RB1CC1: variants seen among roughly 807,000 people sequenced by gnomAD.
RB1CC1 encodes RB1 inducible coiled-coil 1.
In RB1CC1, 46 loss-of-function variants were observed where a neutral mutation model predicts 177.5. The observed-to-expected ratio is 0.26, with a 90% CI of 0.20 to 0.33. The LOEUF is 0.33. Among genes scored for constraint, RB1CC1 ranks in the 10% least tolerant of loss-of-function variants. The pLI is 1.00. For synonymous variants in RB1CC1, 666 were observed against 613.6 expected (o/e 1.09, Z -1.26); for missense variants, 1,703 against 1,816.3 (o/e 0.94, Z 1.13).
chr8:52,710,967 T>A (rs1857015736), intron 1 of RB1CC1, among the ~76,000 whole-genome samples: 1 of 152,010 alleles, frequency 6.6e-6, no homozygotes. Flanking sequence ...GTGTGGAATG[T>A]GAAGGAAAAA....
At chr8:52,660,125 A>G (rs1851479141) in intron 12 of RB1CC1, among the ~76,000 whole-genome samples, 2 of 152,252 alleles carry the variant, frequency 1.3e-5, no homozygotes, top group African/African-American at 4.8e-5. Flanking sequence ...GTTTAGAAAC[A>G]TATCAAACTA....
chr8:52,640,662 G>A (rs1044006619), intron 18 of RB1CC1, among the ~76,000 whole-genome samples: 7 of 152,090 alleles, frequency 4.6e-5, no homozygotes, highest in African/African-American at 7.2e-5. Context: ...TTTTTTTAAA[G>A]AGGTTTTCAT....
At chr8:52,677,035 C>A (rs529995026) in intron 5 of RB1CC1, among the ~76,000 whole-genome samples, 1 of 152,092 alleles carries the variant, frequency 6.6e-6, no homozygotes, top group Non-Finnish European at 1.5e-5. Flanking sequence ...AGTGAAAATA[C>A]CTTCAGAAAA....
intron 1 of RB1CC1, among the ~76,000 whole-genome samples, chr8:52,694,409 G>A (rs1212398351): frequency 2.0e-5 from 3 of 152,138 alleles, no homozygotes; most frequent in South Asian, 2.1e-4. Context: ...GTCTCGAACT[G>A]ATGCCAACTG....
At position 52,674,091 on chromosome 8, in the gene RB1CC1, T is replaced by A; in HGVS notation, c.756A>T (p.Glu252Asp). Reference sequence around the variant, plus strand: ...ACTTGGGAAATGAGGTTAACAAAGATTCGTTAGTTGTTCTAGGCATATCAG... The same window carrying A: ...ACTTGGGAAATGAGGTTAACAAAGAATCGTTAGTTGTTCTAGGCATATCAG... ...LSPDMPRTTNESLLTSFPKSV... is the reference protein window; with the variant it reads ...LSPDMPRTTNDSLLTSFPKSV... The change falls in exon 7 of 24, where the codon GAA becomes GAT. Residue 252 changes from glutamate (E) to aspartate (D), a missense_variant. By Grantham distance (45) the Glu-to-Asp change is conservative. This residue lies in a region of RB1CC1 where 315 missense variants were observed against 304.9 expected (regional missense o/e 1.03). Coordinates refer to ENST00000025008, the MANE Select transcript of RB1CC1 (RefSeq NM_014781.5). 2.5e-6 allele frequency: 4 copies of A among 1,614,112 alleles called. No homozygotes were observed. The highest frequency in any genetic ancestry group is 3.4e-6 in the Non-Finnish European group (4 of 1,180,004).
intron 15 of RB1CC1, among the ~76,000 whole-genome samples, chr8:52,650,292 C>T (rs1850455241): frequency 6.6e-6 from 1 of 152,152 alleles, no homozygotes; most frequent in African/African-American, 2.4e-5. Flanking sequence ...ATGCAAGATA[C>T]CCACACCTGA....
chr8:52,682,441 T>C (rs888297542), intron 5 of RB1CC1, among the ~76,000 whole-genome samples: 10 of 152,174 alleles, frequency 6.6e-5, no homozygotes, highest in Admixed American at 5.2e-4. Flanking sequence ...GAATCTCAGA[T>C]TACTATTTAT....
chr8:52,637,042 G>T (rs2150395115), intron 18 of RB1CC1, among the ~76,000 whole-genome samples: 1 of 152,190 alleles, frequency 6.6e-6, no homozygotes, highest in East Asian at 1.9e-4. Flanking sequence ...TTTCAAGATT[G>T]CTTTGGCTAT....
rs1848141802 is a variant in RB1CC1, at chr8:52,622,743, T to G, written c.*1039A>C. 6.6e-6 allele frequency: 1 copy of G among 152,024 alleles called. No homozygotes were observed. Among genetic ancestry groups the G allele is most frequent in the South Asian group, 2.1e-4 (1 of 4,832 alleles). The allele number at this position is 152,024 out of a possible 1,614,324, so 9.4% of individuals were successfully genotyped here. A position where few individuals can be genotyped will look rare whatever the true frequency, so the allele number is the denominator to read the frequency against. ...ACAATTCTATTCTACATAACACTGT[T>G]TACCCTGTTACATAGTATATAGTTA... On this transcript the variant is annotated 3_prime_UTR_variant, in exon 24 of 24. Transcript: ENST00000025008.
At chr8:52,626,426 T>G (rs1277982542) in intron 22 of RB1CC1, among the ~76,000 whole-genome samples, 1 of 152,108 alleles carries the variant, frequency 6.6e-6, no homozygotes, top group Admixed American at 6.5e-5. Context: ...AAGATGTAAC[T>G]TATCATCATA....
Position 52,656,549 on chromosome 8 carries a change from CAAG to C in RB1CC1, c.3277_3279del (p.Leu1093del), listed in dbSNP as rs750240280. The C allele has an allele frequency of 9.9e-6, 16 of 1,611,038 alleles. No individual in the cohort carries two copies. Among genetic ancestry groups the C allele is most frequent in the Middle Eastern group, 1.7e-4 (1 of 6,056 alleles). ...GTTCTCAAATTTTCTGTCTCTTGTT[CAAG>C]AAGAGATTTCAAGGTCTCCTTCTGC... On this transcript the variant is annotated inframe_deletion, in exon 15 of 24. Transcript: ENST00000025008.
At chr8:52,710,671 T>C (rs950374677) in intron 1 of RB1CC1, among the ~76,000 whole-genome samples, 3 of 152,112 alleles carry the variant, frequency 2.0e-5, no homozygotes, top group South Asian at 2.1e-4. Flanking sequence ...TCTAGTTGTG[T>C]TTTATTTTAT....
At chr8:52,625,514 C>CA (rs1392081993) in intron 22 of RB1CC1, among the ~76,000 whole-genome samples, 1 of 152,098 alleles carries the variant, frequency 6.6e-6, no homozygotes, top group Admixed American at 6.6e-5. Context: ...AGTATTCAGG[C>CA]AATAAACTAC....
At chr8:52,705,631 T>A (rs1212778382) in intron 1 of RB1CC1, among the ~76,000 whole-genome samples, 1 of 152,204 alleles carries the variant, frequency 6.6e-6, no homozygotes, top group East Asian at 1.9e-4. Flanking sequence ...TATGCAATGA[T>A]TTTCATTATA....
intron 1 of RB1CC1, among the ~76,000 whole-genome samples, chr8:52,693,029 T>C (rs994322671): frequency 1.3e-5 from 2 of 152,166 alleles, no homozygotes; most frequent in Non-Finnish European, 2.9e-5. Context: ...GGGGAAAGGA[T>C]TCCCTATTTA....
At chr8:52,686,654 T>A (rs1466175998) in intron 2 of RB1CC1, among the ~76,000 whole-genome samples, 199 bp downstream of exon 2, 1 of 152,208 alleles carries the variant, frequency 6.6e-6, no homozygotes, top group African/African-American at 2.4e-5. Flanking sequence ...TCCATAAGAT[T>A]AATGAAACTG....
intron 8 of RB1CC1, among the ~76,000 whole-genome samples, chr8:52,665,550 AAT>A (rs1249735712): frequency 1.3e-5 from 2 of 152,218 alleles, no homozygotes; most frequent in Non-Finnish European, 2.9e-5. Flanking sequence ...CAAACTAAAT[AAT>A]CACCAAAAGA....
At chr8:52,641,634 C>T (rs1218875038) in intron 18 of RB1CC1, among the ~76,000 whole-genome samples, 2 of 151,892 alleles carry the variant, frequency 1.3e-5, no homozygotes, top group African/African-American at 4.8e-5. Context: ...ATTACTTCAT[C>T]TCACATGGGG....
At chr8:52,661,433 A>T in intron 9 of RB1CC1, 102 bp downstream of exon 9, 2 of 1,449,814 alleles carry the variant, frequency 1.4e-6, no homozygotes, top group African/African-American at 2.9e-5. Flanking sequence ...TCAATAAGGT[A>T]TTTCAATAAA....
Sources: gnomAD v4.1 joint callset for allele counts (sites outside exome capture counted in the v4.1 genomes callset) on GRCh38, gnomAD v4.1.1 for gene constraint, gnomAD v4.1.1 regional missense constraint, MANE v1.5 for transcripts, NCBI Gene and HGNC (gene_info 2026-07-23, HGNC 2026-07-21) for gene names.